Variants in BHLHE40 observed in about 807,000 individuals in gnomAD.
The protein encoded by BHLHE40 is basic helix-loop-helix family member e40, also known as class E basic helix-loop-helix protein 40.
BHLHE40 carries 3 observed loss-of-function variants against 35.7 expected under a neutral mutation model. That is an observed-to-expected ratio of 0.08 (90% CI 0.04 to 0.22). The LOEUF is 0.22. Among genes scored for constraint, BHLHE40 ranks in the 10% least tolerant of loss-of-function variants. BHLHE40 has a pLI of 1.00. For missense variants in BHLHE40, 486 were observed against 524.0 expected (o/e 0.93, Z 0.71); for synonymous variants, 236 against 213.0 (o/e 1.11, Z -0.94).
At position 4,983,569 on chromosome 3, in the gene BHLHE40, G is replaced by A. The variant is rs2053220693; in HGVS notation, c.1116G>A (p.Ser372=). 5 of 1,613,940 alleles carry A rather than the reference G, an allele frequency of 3.1e-6. No homozygotes were observed. The highest frequency in any genetic ancestry group is 4.5e-5 in the East Asian group (2 of 44,888). ...GCTTCATGAACCCAGACAAGATCTCGGCTCCCTTGCTCATGCCCCAGAGAC... is the reference window on the plus strand; with the variant it reads ...GCTTCATGAACCCAGACAAGATCTCAGCTCCCTTGCTCATGCCCCAGAGAC... The part of the protein sequence containing the change: ...LSSFMNPDKI[S]APLLMPQRLP... The change falls in exon 5 of 5, where the codon TCG becomes TCA. Residue 372 remains serine (S), a synonymous_variant. Transcript: ENST00000256495. The surrounding 1 kb of genome is among the most constrained non-coding windows in gnomAD (Gnocchi z 5.0).
At chr3:4,981,321 C>T (rs1312550119) in intron 3 of BHLHE40, 71 bp from the exon 4 acceptor site, 26 of 1,538,398 alleles carry the variant, frequency 1.7e-5, no homozygotes, top group Non-Finnish European at 2.1e-5. Flanking sequence ...TCTCATTTCT[C>T]ATTGCTAATA....
Position 4,983,922 on chromosome 3 carries a change from G to A in BHLHE40, c.*230G>A, listed in dbSNP as rs879382055. On this transcript the variant is annotated 3_prime_UTR_variant, in exon 5 of 5. Transcript: ENST00000256495. The surrounding 1 kb of genome is among the most constrained non-coding windows in gnomAD (Gnocchi z 5.0). Reference sequence around the variant, plus strand: ...GGACTTTAAAGCTCCTTTTGGCATAGGGAAGTCACGAAGGATTGCTTGACA... The same window carrying A: ...GGACTTTAAAGCTCCTTTTGGCATAAGGAAGTCACGAAGGATTGCTTGACA... 22 of 559,238 alleles carry A rather than the reference G, an allele frequency of 3.9e-5. No individual in the cohort carries two copies. Among genetic ancestry groups the A allele is most frequent in the Non-Finnish European group, 6.0e-5 (20 of 331,036 alleles). 34.6% of individuals were successfully genotyped at this position (559,238 alleles called of 1,614,324 possible). A position where few individuals can be genotyped will look rare whatever the true frequency, so the allele number is the denominator to read the frequency against.
chr3:4,981,427 A>G lies in BHLHE40; in HGVS notation c.294A>G (p.Glu98=), dbSNP rs765558723. The G allele has an allele frequency of 3.1e-6, 5 of 1,613,918 alleles. No individual in the cohort carries two copies. The highest frequency in any genetic ancestry group is 4.2e-6 in the Non-Finnish European group (5 of 1,179,986). ...ACTTGGAAAAAGCAGTGGTTCTTGA[A>G]CTTACCTTGAAGCATGTGAAAGCAC... ...LGHLEKAVVL[E]LTLKHVKALT... is the part of the protein sequence containing the mutation. Residue 98 remains glutamate, a synonymous_variant, in exon 4 of 5, where the codon GAA becomes GAG. Coordinates refer to ENST00000256495, the MANE Select transcript of BHLHE40 (RefSeq NM_003670.3).
Position 4,983,829 on chromosome 3 carries a change from G to GGGGTGTGTGTGTGT in BHLHE40, c.*138_*139insGGTGTGTGTGTGTG, listed in dbSNP as rs139879256. On this transcript the variant is annotated 3_prime_UTR_variant, in exon 5 of 5. Coordinates refer to ENST00000256495, the MANE Select transcript of BHLHE40 (RefSeq NM_003670.3). The surrounding 1 kb of genome is among the most constrained non-coding windows in gnomAD (Gnocchi z 5.0). Reference sequence around the variant, plus strand: ...TCTGAGGCATGGAGAGCAGATTCAGGGTGTGTGTGTGTGTGTGTGTGTGTG... The same window carrying GGGGTGTGTGTGTGT: ...TCTGAGGCATGGAGAGCAGATTCAGGGGGTGTGTGTGTGTGTGTGTGTGTGTGTGTGTGTGTGTG... 15 of 698,582 alleles carry GGGGTGTGTGTGTGT rather than the reference G, an allele frequency of 2.1e-5. No homozygotes were observed. Among genetic ancestry groups the GGGGTGTGTGTGTGT allele is most frequent in the Non-Finnish European group, 3.0e-5 (13 of 431,072 alleles). The allele number at this position is 698,582 out of a possible 1,614,324, so 43.3% of individuals were successfully genotyped here.
rs368808493 is a variant in BHLHE40, at chr3:4,985,031, T to G, written c.*1339T>G. Reference sequence around the variant, plus strand: ...GTATTCCTGTTTTTGAAGAGAAGAATAATTTTTTTTTTCTCTAGGGAGAGG... The same window carrying G: ...GTATTCCTGTTTTTGAAGAGAAGAAGAATTTTTTTTTTCTCTAGGGAGAGG... On this transcript the variant is annotated 3_prime_UTR_variant, in exon 5 of 5. Transcript: ENST00000256495. The G allele has an allele frequency of 2.9e-4, 44 of 152,606 alleles. 4 individuals are homozygous for G. The highest frequency in any genetic ancestry group is 5.2e-4 in the Admixed American group (8 of 15,292). The allele number at this position is 152,606 out of a possible 1,614,324, so 9.5% of individuals were successfully genotyped here. A position where few individuals can be genotyped will look rare whatever the true frequency, so the allele number is the denominator to read the frequency against.
At chr3:4,980,715 AACAC>A (rs887378848) in intron 3 of BHLHE40, among the ~76,000 whole-genome samples, 2 of 152,132 alleles carry the variant, frequency 1.3e-5, no homozygotes, top group Admixed American at 6.5e-5. Flanking sequence ...CACGCCAAGA[AACAC>A]ACACATTTTA....
chr3:4,980,834 G>A (rs1255211043), intron 3 of BHLHE40, among the ~76,000 whole-genome samples: 2 of 151,714 alleles, frequency 1.3e-5, no homozygotes, highest in South Asian at 2.1e-4. Context: ...TTTCTTGACA[G>A]TAGCCCTCGG....
rs763935133 is a variant in BHLHE40 at position 4,983,207 on chromosome 3, G to C, written c.754G>C (p.Gly252Arg). The C allele has an allele frequency of 1.2e-6, 2 of 1,614,196 alleles. No homozygotes were observed. The highest frequency in any genetic ancestry group is 1.7e-6 in the Non-Finnish European group (2 of 1,180,026). The change falls in exon 5 of 5, where the codon GGC becomes CGC. Residue 252 changes from glycine to arginine, a missense_variant. Transcript: ENST00000256495. The surrounding 1 kb of genome is among the most constrained non-coding windows in gnomAD (Gnocchi z 5.0). ...TGGCTATGGAGGAGAATCGGAGAAG[G>C]GCGACTTGCGCAGTGAGCAGCCGTG... ...DSGYGGESEK[G>R]DLRSEQPCFK...
In BHLHE40 at chr3:4,983,039, C is replaced by G. The variant is rs1273972124; in HGVS notation, c.586C>G (p.Pro196Ala). The G allele has an allele frequency of 1.9e-6, 3 of 1,614,142 alleles. No homozygotes were observed. The highest frequency in any genetic ancestry group is 2.5e-6 in the Non-Finnish European group (3 of 1,180,012). Residue 196 changes from proline to alanine, a missense_variant, in exon 5 of 5, where the codon CCC becomes GCC. Physicochemically the swap from Pro to Ala is conservative, Grantham distance 27 (BLOSUM62 -1). Coordinates refer to ENST00000256495, the MANE Select transcript of BHLHE40 (RefSeq NM_003670.3). The surrounding 1 kb of genome is among the most constrained non-coding windows in gnomAD (Gnocchi z 5.0). ...GTSRKPSDPA[P>A]KVMDFKEKPS... is the part of the protein sequence containing the mutation. ...CTCCAGGAAGCCATCAGACCCAGCT[C>G]CCAAAGTGATGGACTTCAAGGAAAA...
rs1410542332 is a variant in BHLHE40, at chr3:4,981,376, G to T, written c.259-16G>T. On this transcript the variant is annotated splice_polypyrimidine_tract_variant and intron_variant, in intron 3 of 4. Coordinates refer to ENST00000256495, the MANE Select transcript of BHLHE40 (RefSeq NM_003670.3). ...TTCTCTGACCTCACCGCTGACTAAG[G>T]CTCTTTTCCTTCCAGACTTTGGGTC... 3 of 1,612,928 alleles carry T rather than the reference G, an allele frequency of 1.9e-6. No individual in the cohort carries two copies. Among genetic ancestry groups the T allele is most frequent in the Non-Finnish European group, 2.5e-6 (3 of 1,179,492 alleles).
chr3:4,984,706 A>AAAGC lies in BHLHE40; in HGVS notation c.*1014_*1015insAAGC. 6.5e-6 allele frequency: 1 copy of AAAGC among 152,674 alleles called. No homozygotes were observed. Among genetic ancestry groups the AAAGC allele is most frequent in the African/African-American group, 2.4e-5 (1 of 41,456 alleles). The allele number at this position is 152,674 out of a possible 1,614,324, so 9.5% of individuals were successfully genotyped here. On this transcript the variant is annotated 3_prime_UTR_variant, in exon 5 of 5. Transcript: ENST00000256495. ...GCTAATTCCTCTTGCCCAACGGCAT[A>AAAGC]TGGAGTGTCCTTATTGCTAAAAAGG...
At position 4,983,606 on chromosome 3, in the gene BHLHE40, T is replaced by G; in HGVS notation, c.1153T>G (p.Leu385Val). The G allele has an allele frequency of 6.2e-7, 1 of 1,614,192 alleles. No individual in the cohort carries two copies. The highest frequency in any genetic ancestry group is 8.5e-7 in the Non-Finnish European group (1 of 1,180,034). The stretch of plus-strand genomic sequence containing the variant: ...CATGCCCCAGAGACTCCCTTCTCCC[T>G]TGCCAGCTCATCCGTCCGTCGACTC... ...LLMPQRLPSP[L>V]PAHPSVDSSV... Residue 385 changes from leucine to valine, a missense_variant, in exon 5 of 5, where the codon TTG becomes GTG. Leu to Val is a conservative substitution (Grantham distance 32, BLOSUM62 1). This residue lies in a region of BHLHE40 where 206 missense variants were observed against 208.9 expected (regional missense o/e 0.99). Coordinates refer to ENST00000256495, the MANE Select transcript of BHLHE40 (RefSeq NM_003670.3). The surrounding 1 kb of genome is among the most constrained non-coding windows in gnomAD (Gnocchi z 5.0).
At position 4,984,014 on chromosome 3, in the gene BHLHE40, C is replaced by T. The variant is rs941537141; in HGVS notation, c.*322C>T. 12 of 280,306 alleles carry T rather than the reference C, an allele frequency of 4.3e-5. No individual in the cohort carries two copies. Among genetic ancestry groups the T allele is most frequent in the South Asian group, 7.1e-5 (1 of 14,036 alleles). The allele number at this position is 280,306 out of a possible 1,614,324, so 17.4% of individuals were successfully genotyped here. ...TCCCCACCCAGAGAATAGCCCCCTT[C>T]GATACACATCAGCTGGATTTTCAAA... On this transcript the variant is annotated 3_prime_UTR_variant, in exon 5 of 5. Transcript: ENST00000256495.
chr3:4,985,048 A>G lies in BHLHE40; in HGVS notation c.*1356A>G, dbSNP rs2053235238. On this transcript the variant is annotated 3_prime_UTR_variant, in exon 5 of 5. Coordinates refer to ENST00000256495, the MANE Select transcript of BHLHE40 (RefSeq NM_003670.3). ...GAGAAGAATAATTTTTTTTTTCTCT[A>G]GGGAGAGGTACAGTGTTTATATTTT... 6.6e-6 allele frequency: 1 copy of G among 152,198 alleles called. No homozygotes were observed. The highest frequency in any genetic ancestry group is 2.4e-5 in the African/African-American group (1 of 41,374). 9.4% of individuals were successfully genotyped at this position (152,198 alleles called of 1,614,324 possible). A position where few individuals can be genotyped will look rare whatever the true frequency, so the allele number is the denominator to read the frequency against.
In BHLHE40 at chr3:4,979,680, T is replaced by G. The variant is rs1253570347; in HGVS notation, c.-39T>G. ...AGTCCTCATCCAGACGCTCCGCTAG[T>G]GCAGACAGGAGCGCGCAGTGGCCCC... On this transcript the variant is annotated 5_prime_UTR_variant, in exon 1 of 5. Transcript: ENST00000256495. 2 of 1,548,548 alleles carry G rather than the reference T, an allele frequency of 1.3e-6. No homozygotes were observed. The highest frequency in any genetic ancestry group is 1.7e-6 in the Non-Finnish European group (2 of 1,145,790).
At position 4,981,451 on chromosome 3, in the gene BHLHE40, A is replaced by G; in HGVS notation, c.318A>G (p.Ala106=). Residue 106 remains alanine, a synonymous_variant, in exon 4 of 5, where the codon GCA becomes GCG. Transcript: ENST00000256495. ...VLELTLKHVK[A]LTNLIDQQQQ... is the part of the protein sequence containing the mutation. The stretch of plus-strand genomic sequence containing the variant: ...AACTTACCTTGAAGCATGTGAAAGC[A>G]CTAACAAACCTAATTGATCAGCAGC... The G allele has an allele frequency of 1.2e-6, 2 of 1,614,178 alleles. No individual in the cohort carries two copies. Among genetic ancestry groups the G allele is most frequent in the Non-Finnish European group, 8.5e-7 (1 of 1,180,014 alleles).
At chr3:4,981,564 A>G (rs1462427202) in intron 4 of BHLHE40, 49 bp downstream of exon 4, 2 of 1,598,166 alleles carry the variant, frequency 1.3e-6, no homozygotes, top group East Asian at 4.5e-5. Flanking sequence ...GAGTGCAAAT[A>G]GAGAGCCCGT....
Position 4,983,359 on chromosome 3 carries a change from T to C in BHLHE40, c.906T>C (p.Thr302=). The C allele has an allele frequency of 6.2e-7, 1 of 1,614,176 alleles. No homozygotes were observed. The highest frequency in any genetic ancestry group is 8.5e-7 in the Non-Finnish European group (1 of 1,180,028). Residue 302 remains threonine, a synonymous_variant, in exon 5 of 5, where the codon ACT becomes ACC. Transcript: ENST00000256495. The surrounding 1 kb of genome is among the most constrained non-coding windows in gnomAD (Gnocchi z 5.0). ...TTTCGGATGATGAAGGCCATTTCAC[T>C]AGCAGTGACCTGATCAGCTCCCCGT... is the stretch of plus-strand genomic sequence containing the variant. ...MQLSDDEGHF[T]SSDLISSPFL...
In BHLHE40 at chr3:4,984,285, G is replaced by T. The variant is rs2053228175; in HGVS notation, c.*593G>T. On this transcript the variant is annotated 3_prime_UTR_variant, in exon 5 of 5. Coordinates refer to ENST00000256495, the MANE Select transcript of BHLHE40 (RefSeq NM_003670.3). ...TGGCATAGCACGGTAGTGGTTTGGG[G>T]AGGTTTCCGCAGGTCTGCTCCCCAC... The T allele has an allele frequency of 6.6e-6, 1 of 152,570 alleles. No homozygotes were observed. The highest frequency in any genetic ancestry group is 2.4e-5 in the African/African-American group (1 of 41,402). 9.5% of individuals were successfully genotyped at this position (152,570 alleles called of 1,614,324 possible). A position where few individuals can be genotyped will look rare whatever the true frequency, so the allele number is the denominator to read the frequency against.
Sources: allele counts gnomAD v4.1 joint callset (sites outside exome capture counted in the v4.1 genomes callset), GRCh38; gene constraint gnomAD v4.1.1; regional missense constraint gnomAD v4.1.1; non-coding constraint Gnocchi (gnomAD v3.1); transcripts MANE v1.5; gene names NCBI Gene and HGNC (gene_info 2026-07-23, HGNC 2026-07-21).